The following ZFYVE28 variants were observed in gnomAD, a reference collection of about 807,000 sequenced individuals.
The protein encoded by ZFYVE28 is zinc finger FYVE-type containing 28, also known as lateral signaling target protein 2 homolog.
ZFYVE28 carries 40 observed loss-of-function variants against 82.1 expected under a neutral mutation model. The ratio of observed to expected loss-of-function variants is 0.49; its 90% CI spans 0.38 to 0.63. The LOEUF (loss-of-function observed/expected upper bound fraction) is 0.63. ZFYVE28 is among the 30% of genes least tolerant of loss of function. The pLI is 0.00. For synonymous variants in ZFYVE28, 612 were observed against 546.1 expected (o/e 1.12, Z -1.68); for missense variants, 1,321 against 1,242.1 (o/e 1.06, Z -0.96).
At chr4:2,280,696 T>A (rs1711843027) in intron 8 of ZFYVE28, among the ~76,000 whole-genome samples, 1 of 152,158 alleles carries the variant, frequency 6.6e-6, no homozygotes, top group African/African-American at 2.4e-5. Context: ...TCAGAAGAGA[T>A]GCCATTTCAA....
At chr4:2,410,780 C>A (rs1374786369) in intron 1 of ZFYVE28, among the ~76,000 whole-genome samples, 4 of 152,192 alleles carry the variant, frequency 2.6e-5, no homozygotes, top group Non-Finnish European at 5.9e-5. Context: ...CAGGTGTGAG[C>A]CACCACGCCC....
At chr4:2,330,503 G>A in intron 6 of ZFYVE28, 1 of 1,123,128 alleles carries the variant, frequency 8.9e-7, no homozygotes. Flanking sequence ...ACAGTGCAGA[G>A]GAGCACAGGG....
intron 8 of ZFYVE28, among the ~76,000 whole-genome samples, chr4:2,277,205 C>T (rs540599870): frequency 2.6e-5 from 4 of 152,322 alleles, no homozygotes; most frequent in African/African-American, 9.6e-5. Flanking sequence ...TCACGCCGGG[C>T]GTGGTGGCTC....
At chr4:2,311,925 T>C (rs1156576406) in intron 7 of ZFYVE28, among the ~76,000 whole-genome samples, 4 of 151,860 alleles carry the variant, frequency 2.6e-5, no homozygotes, top group Non-Finnish European at 4.4e-5. Flanking sequence ...TATAGGCGTG[T>C]GCCATGATGC....
chr4:2,277,309 G>A (rs112545418), intron 8 of ZFYVE28, among the ~76,000 whole-genome samples: 7,932 of 152,072 alleles, frequency 0.052, 485 homozygotes, highest in East Asian at 0.17. Context: ...GTGAAACCCC[G>A]TCTCTAATAA....
intron 8 of ZFYVE28, among the ~76,000 whole-genome samples, chr4:2,277,752 A>G (rs1173256925): frequency 2.0e-4 from 31 of 152,236 alleles, no homozygotes; most frequent in Non-Finnish European, 1.5e-5. Flanking sequence ...TTGAGACGGC[A>G]TGACTCCCCA....
chr4:2,346,100 G>A (rs559049153), intron 2 of ZFYVE28, among the ~76,000 whole-genome samples: 9 of 151,630 alleles, frequency 5.9e-5, no homozygotes, highest in African/African-American at 1.5e-4. Context: ...AGGCCAGGGC[G>A]GGTGGATCAC....
intron 2 of ZFYVE28, among the ~76,000 whole-genome samples, chr4:2,344,364 T>A (rs1184665679): frequency 6.6e-6 from 1 of 152,160 alleles, no homozygotes; most frequent in Non-Finnish European, 1.5e-5. Context: ...GCAGGAGCAC[T>A]CACAATTCAC....
At position 2,416,061 on chromosome 4, in the gene ZFYVE28, C is replaced by T. The variant is rs559760034; in HGVS notation, c.39+2224G>A. 1.1e-4 allele frequency among the ~76,000 whole-genome samples: 17 copies of T among 152,314 alleles called. No homozygotes were observed. In the South Asian group the frequency reaches 3.3e-3, roughly 30 times the overall value. ...TCCTGTTCCATCCCTTCTCCGGAGG[C>T]ACACAGCTCTGGGCTGATCCCTGGG... On this transcript the variant is annotated intron_variant, in intron 1 of 12. Coordinates refer to ENST00000290974, the MANE Select transcript of ZFYVE28 (RefSeq NM_020972.3). This position sits in a 1 kb window ranked among gnomAD's most constrained non-coding sequence, Gnocchi z 4.6.
At chr4:2,368,226 A>AAAAAAAAAAAC (rs1553856593) in intron 1 of ZFYVE28, among the ~76,000 whole-genome samples, 14 of 150,080 alleles carry the variant, frequency 9.3e-5, no homozygotes, top group African/African-American at 3.5e-4. Flanking sequence ...AAAAAAAAAA[A>AAAAAAAAAAAC]AAAACACTGT....
intron 8 of ZFYVE28, among the ~76,000 whole-genome samples, chr4:2,278,992 G>A (rs1349877669): frequency 1.3e-5 from 2 of 151,188 alleles, no homozygotes; most frequent in Non-Finnish European, 2.9e-5. Flanking sequence ...AGGTGAGGAT[G>A]TGAAGGAACT....
At chr4:2,364,284 C>A (rs115941362) in intron 1 of ZFYVE28, among the ~76,000 whole-genome samples, 1 of 152,196 alleles carries the variant, frequency 6.6e-6, no homozygotes, top group Admixed American at 6.5e-5. Context: ...CACCTACCCC[C>A]TGCAGGTGCC....
intron 8 of ZFYVE28, among the ~76,000 whole-genome samples, chr4:2,284,521 A>G (rs925199347): frequency 6.6e-6 from 1 of 152,214 alleles, no homozygotes; most frequent in African/African-American, 2.4e-5. Context: ...CAGGAGCCCA[A>G]GATGGGCTGA....
At chr4:2,356,403 GC>G (rs534175881) in intron 1 of ZFYVE28, among the ~76,000 whole-genome samples, 1 of 129,498 alleles carries the variant, frequency 7.7e-6, no homozygotes, top group Admixed American at 7.5e-5. Context: ...CCCAGACCCC[GC>G]CCCCCCGGCA....
At chr4:2,358,251 G>C (rs1282944497) in intron 1 of ZFYVE28, among the ~76,000 whole-genome samples, 1 of 152,182 alleles carries the variant, frequency 6.6e-6, no homozygotes, top group Non-Finnish European at 1.5e-5. Flanking sequence ...GTGCGTCCAT[G>C]TATCTGTGTG....
At chr4:2,322,860 G>A (rs1028186144) in intron 6 of ZFYVE28, among the ~76,000 whole-genome samples, 4 of 152,154 alleles carry the variant, frequency 2.6e-5, no homozygotes, top group Admixed American at 6.5e-5. Flanking sequence ...CTTTGTGACC[G>A]CTTTTCACTT....
intron 1 of ZFYVE28, among the ~76,000 whole-genome samples, chr4:2,377,387 C>T (rs1046669419): frequency 2.6e-5 from 4 of 152,230 alleles, no homozygotes; most frequent in African/African-American, 9.6e-5. Flanking sequence ...GAGCTAAACT[C>T]GCTGACATTT....
chr4:2,277,727 C>T (rs1261420740), intron 8 of ZFYVE28, among the ~76,000 whole-genome samples: 1 of 152,092 alleles, frequency 6.6e-6, no homozygotes, highest in African/African-American at 2.4e-5. Context: ...GTTCACAGGT[C>T]GGAAGACAAT....
intron 1 of ZFYVE28, chr4:2,365,015 C>T: frequency 1.8e-6 from 1 of 543,028 alleles, no homozygotes; most frequent in Non-Finnish European, 2.3e-6. Context: ...TCAGGCCCCG[C>T]ACGCGGAAGT....
Sources: gnomAD v4.1 joint callset for allele counts (sites outside exome capture counted in the v4.1 genomes callset) on GRCh38, gnomAD v4.1.1 for gene constraint, Gnocchi (gnomAD v3.1) non-coding constraint, MANE v1.5 for transcripts, NCBI Gene and HGNC (gene_info 2026-07-23, HGNC 2026-07-21) for gene names.